Variants in FRMD4B observed in about 807,000 individuals in gnomAD.
FRMD4B encodes the protein FERM domain containing 4B, also known as FERM domain-containing protein 4B.
In FRMD4B, 74 loss-of-function variants were observed where a neutral mutation model predicts 141.5. That is an observed-to-expected ratio of 0.52 (90% CI 0.43 to 0.63). The LOEUF (loss-of-function observed/expected upper bound fraction) is 0.63, where lower values mean the gene tolerates loss of function less well. FRMD4B is among the 30% of genes least tolerant of loss of function. The pLI is 0.00. For missense variants in FRMD4B, 1,366 were observed against 1,253.4 expected (o/e 1.09, Z -1.36); for synonymous variants, 506 against 467.9 (o/e 1.08, Z -1.05).
intron 1 of FRMD4B, among the ~76,000 whole-genome samples, chr3:69,358,452 T>C (rs776398817): frequency 1.3e-5 from 2 of 152,162 alleles, no homozygotes; most frequent in Admixed American, 6.5e-5. Flanking sequence ...GAGGTGGGAC[T>C]GGCCAGATCC....
chr3:69,471,564 T>G, intron 1 of FRMD4B: 2 of 241,330 alleles, frequency 8.3e-6, no homozygotes, highest in South Asian at 1.6e-4. Context: ...CTCCAAGATA[T>G]CTCAAACTTA....
chr3:69,314,185 C>A (rs1197765125), intron 1 of FRMD4B, among the ~76,000 whole-genome samples: 1 of 111,040 alleles, frequency 9.0e-6, no homozygotes, highest in African/African-American at 3.7e-5. Context: ...CCTCTCCATC[C>A]CAGAGGAAAC....
In FRMD4B at chr3:69,431,291, A is replaced by G. The variant is rs143690648; in HGVS notation, c.-1+1343T>C. On this transcript the variant is annotated intron_variant, in intron 2 of 5. Coordinates refer to the FRMD4B transcript ENST00000459638. Reference sequence around the variant, plus strand: ...CTTAAGGTGCTTGAATCAAGGAGACAATCAATAAGAGTTTGTTTGAGAAGT... The same window carrying G: ...CTTAAGGTGCTTGAATCAAGGAGACGATCAATAAGAGTTTGTTTGAGAAGT... 2.7e-3 allele frequency among the ~76,000 whole-genome samples: 404 copies of G among 152,312 alleles called. 4 individuals are homozygous for G. The highest frequency in any genetic ancestry group is 9.2e-3 in the African/African-American group (381 of 41,564).
At chr3:69,325,157 T>C (rs2107303975) in intron 1 of FRMD4B, among the ~76,000 whole-genome samples, 2 of 150,172 alleles carry the variant, frequency 1.3e-5, no homozygotes, top group African/African-American at 2.4e-5. Flanking sequence ...AGAACTTATA[T>C]TGGACCACTG....
At position 69,182,600 on chromosome 3, in the gene FRMD4B, C is replaced by T. The variant is rs747247608; in HGVS notation, c.2037G>A (p.Leu679=). ...CAATGAGAAAGAAGCTCTCTTACTCCAAGTGGCTGCTGCTGTAGGCGTTTC... is the reference window on the plus strand; with the variant it reads ...CAATGAGAAAGAAGCTCTCTTACTCTAAGTGGCTGCTGCTGTAGGCGTTTC... The part of the protein sequence containing the change: ...LTRNAYSSSH[L]EPESSSQHCR... The change falls in exon 20 of 23, where the codon TTG becomes TTA. Residue 679 remains leucine (L), a splice_region_variant and synonymous_variant. Transcript: ENST00000398540. The T allele has an allele frequency of 4.4e-6, 7 of 1,608,008 alleles. No individual in the cohort carries two copies. Among genetic ancestry groups the T allele is most frequent in the African/African-American group, 1.3e-5 (1 of 74,366 alleles).
intron 1 of FRMD4B, among the ~76,000 whole-genome samples, chr3:69,317,105 C>T (rs1036839979): frequency 6.6e-6 from 1 of 152,064 alleles, no homozygotes; most frequent in South Asian, 2.1e-4. Flanking sequence ...CTTTTTTTGC[C>T]TTTCCATTTT....
At chr3:69,214,372 T>C (rs1055299779) in intron 11 of FRMD4B, among the ~76,000 whole-genome samples, 5 of 152,174 alleles carry the variant, frequency 3.3e-5, no homozygotes, top group Non-Finnish European at 7.4e-5. Flanking sequence ...TTAGAGGCCA[T>C]TGTTTTACTC....
chr3:69,535,181 C>G (rs1337544033), intron 1 of FRMD4B, among the ~76,000 whole-genome samples: 2 of 152,224 alleles, frequency 1.3e-5, no homozygotes, highest in African/African-American at 4.8e-5. Context: ...AAAGATAGAT[C>G]TGAGTGTAGA....
At chr3:69,538,826 GA>G (rs1047854742) in intron 1 of FRMD4B, among the ~76,000 whole-genome samples, 1 of 150,800 alleles carries the variant, frequency 6.6e-6, no homozygotes, top group Non-Finnish European at 1.5e-5. Flanking sequence ...CAGAAGAGGA[GA>G]AAAAAAAATC....
intron 1 of FRMD4B, among the ~76,000 whole-genome samples, chr3:69,498,776 A>G (rs1256929071): frequency 1.3e-5 from 2 of 152,196 alleles, no homozygotes; most frequent in African/African-American, 4.8e-5. Flanking sequence ...AGACGGGCTC[A>G]CAGGCACTCA....
intron 5 of FRMD4B, among the ~76,000 whole-genome samples, chr3:69,268,852 T>C (rs1039102761): frequency 3.3e-5 from 5 of 151,932 alleles, no homozygotes; most frequent in African/African-American, 7.3e-5. Flanking sequence ...GGGAATACCA[T>C]GTTTAAAATA....
chr3:69,471,758 TCACCATC>T (rs1705895818), intron 1 of FRMD4B: 1 of 155,908 alleles, frequency 6.4e-6, no homozygotes, highest in Non-Finnish European at 1.5e-5. Context: ...TGTGGTCATT[TCACCATC>T]CACTCTCTTC....
intron 1 of FRMD4B, among the ~76,000 whole-genome samples, chr3:69,462,420 G>A (rs1705721521): frequency 6.6e-6 from 1 of 152,206 alleles, no homozygotes; most frequent in South Asian, 2.1e-4. Flanking sequence ...AAGCCCTCAG[G>A]TAAAAGACAC....
intron 2 of FRMD4B, among the ~76,000 whole-genome samples, chr3:69,394,933 G>T (rs144216255): frequency 2.0e-5 from 3 of 152,018 alleles, no homozygotes; most frequent in African/African-American, 7.2e-5. Flanking sequence ...CCAAACACCC[G>T]CCTGTTCTCA....
chr3:69,468,255 T>G (rs1366749445), intron 1 of FRMD4B, among the ~76,000 whole-genome samples: 1 of 152,178 alleles, frequency 6.6e-6, no homozygotes, highest in African/African-American at 2.4e-5. Flanking sequence ...CATCAATTCA[T>G]GAATAGTCTT....
intron 1 of FRMD4B, among the ~76,000 whole-genome samples, chr3:69,439,122 C>A (rs961974059): frequency 6.6e-6 from 1 of 151,926 alleles, no homozygotes; most frequent in Non-Finnish European, 1.5e-5. Context: ...AATTTTAAAA[C>A]TTTTTATAAA....
intron 1 of FRMD4B, among the ~76,000 whole-genome samples, chr3:69,371,860 T>G (rs1370625756): frequency 6.6e-6 from 1 of 152,212 alleles, no homozygotes; most frequent in Non-Finnish European, 1.5e-5. Flanking sequence ...CGACCAGGCC[T>G]AGAATGTAAT....
intron 2 of FRMD4B, among the ~76,000 whole-genome samples, chr3:69,426,786 A>G (rs956087180): frequency 3.3e-5 from 5 of 152,138 alleles, no homozygotes; most frequent in Admixed American, 1.3e-4. Flanking sequence ...CTCAGATGTA[A>G]TAAGATAAGC....
intron 7 of FRMD4B, among the ~76,000 whole-genome samples, chr3:69,247,912 G>C (rs751914424): frequency 7.9e-5 from 12 of 152,146 alleles, no homozygotes; most frequent in Non-Finnish European, 1.8e-4. Flanking sequence ...GCCTCTCAAA[G>C]TGCTGGGATT....
Sources: allele counts gnomAD v4.1 joint callset (sites outside exome capture counted in the v4.1 genomes callset), GRCh38; gene constraint gnomAD v4.1.1; transcripts MANE v1.5; gene names NCBI Gene and HGNC (gene_info 2026-07-23, HGNC 2026-07-21).